TECTA: variants seen among roughly 807,000 people sequenced by gnomAD.
TECTA encodes tectorin alpha.
TECTA carries 128 observed loss-of-function variants against 216.8 expected under a neutral mutation model. That is an observed-to-expected ratio of 0.59 (90% CI 0.51 to 0.68). TECTA has a LOEUF of 0.68. TECTA is among the 30% of genes least tolerant of loss of function. The pLI, the probability that TECTA is intolerant of heterozygous loss-of-function variation, is 0.00. For missense variants in TECTA, 2,551 were observed against 2,786.2 expected, an observed-to-expected ratio of 0.92 and a Z score of 1.90; for synonymous variants, 1,089 against 1,117.1, an observed-to-expected ratio of 0.97 and a Z score of 0.50.
chr11:121,146,109 G>C lies in TECTA; in HGVS notation c.4098G>C (p.Thr1366=). The change falls in exon 12 of 24, where the codon ACG becomes ACC. Residue 1366 remains threonine (T), a synonymous_variant. Transcript: ENST00000392793. The stretch of plus-strand genomic sequence containing the variant: ...CGGTGACTGGCTGGAGGAATTACAC[G>C]TCCTGCAGTGAGTCCTTCTCGTTGT... ...GITVTGWRNY[T]SCTVTCPPNS... is the part of the protein sequence containing the mutation. The C allele has an allele frequency of 1.2e-6, 2 of 1,607,744 alleles. No homozygotes were observed. The highest frequency in any genetic ancestry group is 1.1e-5 in the South Asian group (1 of 91,084).
chr11:121,157,786 G>A, intron 13 of TECTA, 55 bp from the exon 14 acceptor site: 2 of 1,611,718 alleles, frequency 1.2e-6, no homozygotes, highest in Admixed American at 1.7e-5. Context: ...TGGGCTTTCG[G>A]GTCCCCAGCC....
intron 3 of TECTA, 142 bp downstream of exon 3, chr11:121,106,106 T>A: frequency 7.7e-7 from 1 of 1,297,434 alleles, no homozygotes; most frequent in South Asian, 1.2e-5. Context: ...TGAGATTTCA[T>A]GAGCTGATAG....
In TECTA at chr11:121,166,682, G is replaced by C. The variant is rs189181502; in HGVS notation, c.5488G>C (p.Val1830Leu). Reference protein sequence around the residue: ...LFQLGFEREGVRINDRQCTGI... With the variant: ...LFQLGFEREGLRINDRQCTGI... ...CCAGCTCGGTTTTGAGAGGGAGGGCGTGAGGATCAATGACAGACAGTGCAC... is the reference window on the plus strand; with the variant it reads ...CCAGCTCGGTTTTGAGAGGGAGGGCCTGAGGATCAATGACAGACAGTGCAC... Residue 1830 changes from valine (V) to leucine (L), a missense_variant, in exon 18 of 24, where the codon GTG (valine) becomes CTG (leucine). By Grantham distance (32) the Val-to-Leu change is conservative. This residue lies in a region of TECTA where 2,375 missense variants were observed against 2,563.9 expected (regional missense o/e 0.93). Transcript: ENST00000392793. 4 of 1,614,186 alleles carry C rather than the reference G, an allele frequency of 2.5e-6. No homozygotes were observed. The highest frequency in any genetic ancestry group is 3.4e-6 in the Non-Finnish European group (4 of 1,180,036).
At chr11:121,119,211 C>A (rs1199237017) in intron 7 of TECTA, among the ~76,000 whole-genome samples, 2 of 152,138 alleles carry the variant, frequency 1.3e-5, no homozygotes, top group East Asian at 3.9e-4. Flanking sequence ...TGCTCAAGAG[C>A]TGCTGCTTCA....
intron 7 of TECTA, among the ~76,000 whole-genome samples, 167 bp from the exon 8 acceptor site, chr11:121,125,135 C>T (rs141892063): frequency 2.6e-5 from 4 of 152,252 alleles, no homozygotes; most frequent in African/African-American, 9.6e-5. Flanking sequence ...CTCCATTTCC[C>T]CCCCGGCCTT....
At chr11:121,166,907 A>G (rs1947060038) in intron 18 of TECTA, 127 bp downstream of exon 18, 12 of 1,043,782 alleles carry the variant, frequency 1.1e-5, no homozygotes, top group Non-Finnish European at 1.6e-5. Flanking sequence ...GAAAACAGCA[A>G]TAGGCATGTG....
chr11:121,113,089 C>A lies in TECTA; in HGVS notation c.504C>A (p.Ala168=), dbSNP rs1302036088. 1.9e-6 allele frequency: 3 copies of A among 1,614,012 alleles called. No homozygotes were observed. The highest frequency in any genetic ancestry group is 1.3e-5 in the African/African-American group (1 of 74,920). ...SSTTPVNTFQ[A]VLVSDGSYTF... ...TCCTGTAGGTGAACACCTTCCAGGC[C>A]GTCCTAGTGTCCGATGGCTCCTATA... Residue 168 remains alanine (A), a synonymous_variant, in exon 5 of 24, where the codon GCC becomes GCA. Coordinates refer to ENST00000392793, the MANE Select transcript of TECTA (RefSeq NM_005422.4). The surrounding 1 kb of genome is among the most constrained non-coding windows in gnomAD (Gnocchi z 4.2).
At chr11:121,182,230 G>A (rs1208586296) in intron 20 of TECTA, among the ~76,000 whole-genome samples, 1 of 152,032 alleles carries the variant, frequency 6.6e-6, no homozygotes, top group Non-Finnish European at 1.5e-5. Context: ...GGCCAGGTGG[G>A]TGGGTCCTCA....
rs1243485512 is a variant in TECTA, at chr11:121,113,102, G to A, written c.517G>A (p.Asp173Asn). The A allele has an allele frequency of 1.1e-5, 18 of 1,613,974 alleles. No individual in the cohort carries two copies. The highest frequency in any genetic ancestry group is 2.7e-5 in the African/African-American group (2 of 74,898). ...VNTFQAVLVS[D>N]GSYTFTLFNY... ...CACCTTCCAGGCCGTCCTAGTGTCC[G>A]ATGGCTCCTATACATTCACCCTCTT... The change falls in exon 5 of 24, where the codon GAT becomes AAT. Residue 173 changes from aspartate (D) to asparagine (N), a missense_variant. Transcript: ENST00000392793. The surrounding 1 kb of genome is among the most constrained non-coding windows in gnomAD (Gnocchi z 4.2).
At position 121,113,180 on chromosome 11, in the gene TECTA, C is replaced by G; in HGVS notation, c.595C>G (p.Leu199Val). The change falls in exon 5 of 24, where the codon CTG becomes GTG. Residue 199 changes from leucine to valine, a missense_variant. Transcript: ENST00000392793. This position sits in a 1 kb window ranked among gnomAD's most constrained non-coding sequence, Gnocchi z 4.2. ...GGGGACGGCGAGTGGCGGCGACCCC[C>G]TGACAGGTCTTGGTGGAGTGATGGC... Reference protein sequence around the residue: ...TTGTASGGDPLTGLGGVMAQA... With the variant: ...TTGTASGGDPVTGLGGVMAQA... The G allele has an allele frequency of 6.2e-7, 1 of 1,614,106 alleles. No individual in the cohort carries two copies. Among genetic ancestry groups the G allele is most frequent in the Non-Finnish European group, 8.5e-7 (1 of 1,180,026 alleles).
At chr11:121,102,546 A>T in intron 1 of TECTA, 119 bp from the exon 2 acceptor site, 3 of 788,868 alleles carry the variant, frequency 3.8e-6, no homozygotes, top group Admixed American at 1.9e-5. Context: ...TGATGTTGTT[A>T]TGTGAATTTG....
At chr11:121,102,868 A>G (rs1946359318) in intron 2 of TECTA, 139 bp downstream of exon 2, 1 of 792,338 alleles carries the variant, frequency 1.3e-6, no homozygotes, top group Non-Finnish European at 2.2e-6. Context: ...ATTAAATTCT[A>G]TTATCAAGGG....
At chr11:121,166,080 A>C (rs909108061) in intron 17 of TECTA, among the ~76,000 whole-genome samples, 70 of 152,248 alleles carry the variant, frequency 4.6e-4, no homozygotes, top group Admixed American at 4.4e-3. Context: ...CAGTGTTTAT[A>C]TGCTCAAGAG....
chr11:121,144,274 A>G (rs7114915), intron 11 of TECTA, among the ~76,000 whole-genome samples: 41,282 of 151,998 alleles, frequency 0.27, 7,083 homozygotes, highest in African/African-American at 0.48. Context: ...TCAGTATTGG[A>G]TTAACTGCTT....
Position 121,166,660 on chromosome 11 carries a change from G to T in TECTA, c.5466G>T (p.Gln1822His). Residue 1822 changes from glutamine (Q) to histidine (H), a missense_variant, in exon 18 of 24, where the codon CAG (glutamine) becomes CAT (histidine). Physicochemically the swap from Gln to His is conservative, Grantham distance 24 (BLOSUM62 0). Around this residue, in one of 3 missense-constraint regions of TECTA, gnomAD observed 2,375 missense variants for 2,563.9 expected, o/e 0.93. Transcript: ENST00000392793. Reference sequence around the variant, plus strand: ...CCATATCTAAGTGCAAGCTCTTCCAGCTCGGTTTTGAGAGGGAGGGCGTGA... The same window carrying T: ...CCATATCTAAGTGCAAGCTCTTCCATCTCGGTTTTGAGAGGGAGGGCGTGA... ...EVSISKCKLF[Q>H]LGFEREGVRI... The T allele has an allele frequency of 6.2e-7, 1 of 1,614,184 alleles. No homozygotes were observed. Among genetic ancestry groups the T allele is most frequent in the Non-Finnish European group, 8.5e-7 (1 of 1,180,034 alleles).
chr11:121,127,993 T>G lies in TECTA; in HGVS notation c.2016T>G (p.Thr672=). ...GEFFWATANC[T]VQCLCEEGGD... ...TCTTCTGGGCCACGGCCAACTGCAC[T>G]GTGCAATGCCTGTGCGAGGAGGGCG... Residue 672 remains threonine (T), a synonymous_variant, in exon 9 of 24, where the codon ACT becomes ACG. Coordinates refer to ENST00000392793, the MANE Select transcript of TECTA (RefSeq NM_005422.4). This position sits in a 1 kb window ranked among gnomAD's most constrained non-coding sequence, Gnocchi z 5.0. The G allele has an allele frequency of 6.2e-7, 1 of 1,614,126 alleles. No homozygotes were observed. The highest frequency in any genetic ancestry group is 1.1e-5 in the South Asian group (1 of 91,086).
intron 6 of TECTA, among the ~76,000 whole-genome samples, chr11:121,117,474 T>C (rs1362409352): frequency 6.6e-6 from 1 of 151,968 alleles, no homozygotes; most frequent in Non-Finnish European, 1.5e-5. Context: ...GGTGGGGAGG[T>C]CATTTATTTA....
chr11:121,178,517 A>AGTGTGTGTGT (rs3222565), intron 20 of TECTA, among the ~76,000 whole-genome samples: 2,822 of 127,210 alleles, frequency 0.022, 61 homozygotes, highest in South Asian at 0.049. Flanking sequence ...GCTTGTAGTT[A>AGTGTGTGTGT]GTGTGTGTGT....
At chr11:121,169,939 A>G (rs1484003759) in intron 20 of TECTA, among the ~76,000 whole-genome samples, 2 of 152,160 alleles carry the variant, frequency 1.3e-5, no homozygotes, top group South Asian at 2.1e-4. Flanking sequence ...CTACTGTGCT[A>G]TTGAACACTA....
Sources: gnomAD v4.1 joint callset for allele counts (sites outside exome capture counted in the v4.1 genomes callset) on GRCh38, gnomAD v4.1.1 for gene constraint, gnomAD v4.1.1 regional missense constraint, Gnocchi (gnomAD v3.1) non-coding constraint, MANE v1.5 for transcripts, NCBI Gene and HGNC (gene_info 2026-07-23, HGNC 2026-07-21) for gene names.